Variants in PTPRT observed in about 807,000 individuals in gnomAD.
PTPRT encodes protein tyrosine phosphatase receptor type T, also known as receptor-type tyrosine-protein phosphatase T.
Under a neutral mutation model 176.8 loss-of-function variants are expected in PTPRT, and 56 were observed. That is an observed-to-expected ratio of 0.32 (90% CI 0.26 to 0.40). PTPRT has a LOEUF of 0.40. PTPRT is among the 10% of genes least tolerant of loss of function. PTPRT has a pLI of 1.00. For synonymous variants in PTPRT, 783 were observed against 739.0 expected (o/e 1.06, Z -0.96); for missense variants, 1,540 against 1,908.2 (o/e 0.81, Z 3.60).
chr20:42,178,735 G>T (rs1261029928), intron 16 of PTPRT, among the ~76,000 whole-genome samples: 1 of 152,194 alleles, frequency 6.6e-6, no homozygotes, highest in Non-Finnish European at 1.5e-5. Flanking sequence ...AGCTGGGAGA[G>T]AATTCAAGTT....
intron 11 of PTPRT, 83 bp downstream of exon 11, chr20:42,350,545 A>G: frequency 8.7e-7 from 1 of 1,152,854 alleles, no homozygotes; most frequent in East Asian, 2.3e-5. Flanking sequence ...GCCCATGGGC[A>G]TTGCCAGTCA....
intron 7 of PTPRT, among the ~76,000 whole-genome samples, chr20:42,501,763 C>A (rs1472396610): frequency 6.6e-6 from 1 of 152,092 alleles, no homozygotes; most frequent in East Asian, 1.9e-4. Context: ...AGTGGTTATA[C>A]CAATTTATAC....
chr20:42,718,415 T>C (rs943854092), intron 6 of PTPRT, among the ~76,000 whole-genome samples: 4 of 152,080 alleles, frequency 2.6e-5, no homozygotes, highest in African/African-American at 7.2e-5. Flanking sequence ...CGGGCGCCAG[T>C]AGTTCCAGCT....
In PTPRT at chr20:42,885,901, G is replaced by A. The variant is rs6030543; in HGVS notation, c.120C>T (p.Asn40=). ...TCCCTAGAGCCACACTATAACCACA[G>A]TTGCTGTAGTGCTCATCAAAGGAAC... The part of the protein sequence containing the change: ...GGCSFDEHYS[N]CGYSVALGTN... The change falls in exon 2 of 31, where the codon AAC becomes AAT. Residue 40 remains asparagine (N), a synonymous_variant. Coordinates refer to ENST00000373187, the MANE Select transcript of PTPRT (RefSeq NM_007050.6). 5,483 of 1,610,364 alleles carry A rather than the reference G, an allele frequency of 3.4e-3. 146 individuals are homozygous for A. The African/African-American group carries it at 0.055, about 16-fold the overall frequency.
chr20:42,182,008 T>C (rs1386514791), intron 16 of PTPRT, among the ~76,000 whole-genome samples: 1 of 152,002 alleles, frequency 6.6e-6, no homozygotes, highest in South Asian at 2.1e-4. Context: ...AACAGTGAAA[T>C]ATAGAGTGGA....
intron 1 of PTPRT, among the ~76,000 whole-genome samples, chr20:43,035,774 T>C (rs950802171): frequency 5.9e-5 from 9 of 152,192 alleles, no homozygotes; most frequent in African/African-American, 2.2e-4. Context: ...CTGAGCAAGG[T>C]TAATTACTCT....
At chr20:42,910,512 G>A (rs574562370) in intron 1 of PTPRT, among the ~76,000 whole-genome samples, 1 of 152,286 alleles carries the variant, frequency 6.6e-6, no homozygotes, top group South Asian at 2.1e-4. Context: ...TTGACAGGAT[G>A]AGCTTAAAGG....
At chr20:42,087,804 C>A (rs1984141228) in intron 27 of PTPRT, among the ~76,000 whole-genome samples, 1 of 136,986 alleles carries the variant, frequency 7.3e-6, no homozygotes, top group Non-Finnish European at 1.5e-5. Context: ...ACCCAGGGGG[C>A]AGAGGTTGTA....
At chr20:42,811,423 T>C (rs1458200998) in intron 2 of PTPRT, among the ~76,000 whole-genome samples, 2 of 152,172 alleles carry the variant, frequency 1.3e-5, no homozygotes, top group Non-Finnish European at 2.9e-5. Context: ...TACTTGTATG[T>C]AGCAGAAGAA....
At chr20:42,261,949 G>A (rs978096083) in intron 13 of PTPRT, among the ~76,000 whole-genome samples, 1 of 152,140 alleles carries the variant, frequency 6.6e-6, no homozygotes, top group South Asian at 2.1e-4. Context: ...AGGAGAGAAG[G>A]GGCACGGGAG....
At chr20:42,801,350 G>A (rs2077528339) in intron 2 of PTPRT, among the ~76,000 whole-genome samples, 1 of 152,110 alleles carries the variant, frequency 6.6e-6, no homozygotes, top group Non-Finnish European at 1.5e-5. Context: ...AACTACTGGA[G>A]CTGGCTTTCT....
intron 7 of PTPRT, among the ~76,000 whole-genome samples, chr20:42,602,315 G>A (rs74512086): frequency 1.3e-5 from 2 of 152,124 alleles, no homozygotes; most frequent in African/African-American, 2.4e-5. Flanking sequence ...GGAGAGACTG[G>A]AGCATTTCCA....
At chr20:42,610,289 T>C (rs138552424) in intron 7 of PTPRT, among the ~76,000 whole-genome samples, 3 of 152,350 alleles carry the variant, frequency 2.0e-5, no homozygotes, top group African/African-American at 7.2e-5. Flanking sequence ...GTGAGCACTT[T>C]TGGCTTAAAT....
At chr20:42,457,186 C>G (rs954883733) in intron 8 of PTPRT, among the ~76,000 whole-genome samples, 1 of 152,018 alleles carries the variant, frequency 6.6e-6, no homozygotes. Flanking sequence ...CTTGCTTTTC[C>G]TTATACTTTT....
chr20:42,632,516 C>A (rs1229805445), intron 7 of PTPRT, among the ~76,000 whole-genome samples: 1 of 152,070 alleles, frequency 6.6e-6, no homozygotes, highest in African/African-American at 2.4e-5. Context: ...AGCCACCACA[C>A]CCGGCCACTA....
chr20:42,032,528 G>C, the PTPRT span, among the ~76,000 whole-genome samples: 1 of 152,162 alleles, frequency 6.6e-6, no homozygotes, highest in Non-Finnish European at 1.5e-5. Context: ...TTAATCATGA[G>C]ATTCCTTATT....
intron 8 of PTPRT, among the ~76,000 whole-genome samples, chr20:42,468,834 T>A (rs2071143932): frequency 6.6e-6 from 1 of 152,212 alleles, no homozygotes; most frequent in Non-Finnish European, 1.5e-5. Flanking sequence ...CAGCAGTGAC[T>A]TCTCCCTCTC....
chr20:42,295,638 G>A (rs1269460691), intron 12 of PTPRT, among the ~76,000 whole-genome samples: 2 of 151,984 alleles, frequency 1.3e-5, no homozygotes, highest in South Asian at 2.1e-4. Context: ...AAAATTGAGA[G>A]AGAGAGAGAG....
At chr20:42,319,640 G>A (rs2057771636) in intron 11 of PTPRT, among the ~76,000 whole-genome samples, 1 of 152,190 alleles carries the variant, frequency 6.6e-6, no homozygotes, top group African/African-American at 2.4e-5. Context: ...TTGAAGAGGT[G>A]GAGAGAAGAA....
Sources: gnomAD v4.1 joint callset for allele counts (sites outside exome capture counted in the v4.1 genomes callset) on GRCh38, gnomAD v4.1.1 for gene constraint, MANE v1.5 for transcripts, NCBI Gene and HGNC (gene_info 2026-07-23, HGNC 2026-07-21) for gene names.